Variants in KLF12 observed in about 807,000 individuals in gnomAD.
KLF12 encodes the protein Krueppel-like factor 12.
KLF12 carries 9 observed loss-of-function variants against 37.8 expected under a neutral mutation model. The observed-to-expected ratio is 0.24, with a 90% CI of 0.14 to 0.42. The LOEUF (loss-of-function observed/expected upper bound fraction) is 0.42, where lower values mean the gene tolerates loss of function less well. Ranked by LOEUF, KLF12 falls within the 10% of genes least tolerant of loss-of-function variation. The pLI is 1.00. For synonymous variants in KLF12, 208 were observed against 202.1 expected, an observed-to-expected ratio of 1.03 and a Z score of -0.25; for missense variants, 411 against 516.0, an observed-to-expected ratio of 0.80 and a Z score of 1.97.
At chr13:74,117,671 G>A (rs1012626662) in intron 1 of KLF12, among the ~76,000 whole-genome samples, 1 of 152,114 alleles carries the variant, frequency 6.6e-6, no homozygotes, top group Non-Finnish European at 1.5e-5. Flanking sequence ...GGTATCTTGT[G>A]GATATCATGA....
At chr13:73,703,367 C>T (rs975903911) in intron 7 of KLF12, among the ~76,000 whole-genome samples, 3 of 151,938 alleles carry the variant, frequency 2.0e-5, no homozygotes, top group Admixed American at 6.6e-5. Flanking sequence ...AATCCTGATG[C>T]GATTTTCTTA....
intron 1 of KLF12, among the ~76,000 whole-genome samples, chr13:74,053,755 C>T (rs1873069608): frequency 1.3e-5 from 2 of 152,072 alleles, no homozygotes; most frequent in African/African-American, 4.8e-5. Context: ...TATTCTTGGA[C>T]TAGAAATGTT....
At chr13:73,855,750 AAT>A (rs1885576656) in intron 3 of KLF12, among the ~76,000 whole-genome samples, 1 of 152,134 alleles carries the variant, frequency 6.6e-6, no homozygotes, top group Admixed American at 6.5e-5. Flanking sequence ...GTCCCTCCAA[AAT>A]ATGTTACTTT....
chr13:74,160,795 A>G, the KLF12 span, among the ~76,000 whole-genome samples: 1 of 152,234 alleles, frequency 6.6e-6, no homozygotes, highest in Non-Finnish European at 1.5e-5. Context: ...GAGTACTTCA[A>G]TTTGAGCCGG....
chr13:73,995,119 G>A, intron 1 of KLF12, 66 bp from the exon 2 acceptor site: 2 of 1,058,640 alleles, frequency 1.9e-6, no homozygotes. Context: ...TTGCTCCTTT[G>A]GGGAAAAAAA....
At chr13:73,950,253 T>A (rs1448225599) in intron 2 of KLF12, among the ~76,000 whole-genome samples, 6 of 152,210 alleles carry the variant, frequency 3.9e-5, no homozygotes, top group African/African-American at 1.2e-4. Flanking sequence ...GATGTTCTTA[T>A]TCAAGTTGCA....
intron 1 of KLF12, among the ~76,000 whole-genome samples, chr13:73,998,109 C>T (rs1225404469): frequency 6.6e-6 from 1 of 152,020 alleles, no homozygotes; most frequent in Admixed American, 6.5e-5. Context: ...GACAGTACAC[C>T]CTGGACAACA....
intron 3 of KLF12, among the ~76,000 whole-genome samples, chr13:73,926,768 T>A (rs1013450482): frequency 2.0e-5 from 3 of 152,278 alleles, no homozygotes; most frequent in South Asian, 4.1e-4. Context: ...GTAGTTTCTC[T>A]GCGTGAATTA....
At chr13:73,817,358 AAAAG>A (rs1267678952) in intron 4 of KLF12, among the ~76,000 whole-genome samples, 1 of 151,816 alleles carries the variant, frequency 6.6e-6, no homozygotes, top group Non-Finnish European at 1.5e-5. Flanking sequence ...ACAAAAAAAA[AAAAG>A]AAAGAAAAAG....
chr13:74,195,195 T>G, the KLF12 span, among the ~76,000 whole-genome samples: 1 of 152,176 alleles, frequency 6.6e-6, no homozygotes, highest in African/African-American at 2.4e-5. Context: ...TGTATCACCA[T>G]TCACTAAAAG....
chr13:73,927,874 T>G (rs1449260624), intron 3 of KLF12, among the ~76,000 whole-genome samples: 1 of 149,936 alleles, frequency 6.7e-6, no homozygotes, highest in Admixed American at 6.6e-5. Context: ...TTTTTTTTTT[T>G]TTCAGACAGA....
intron 3 of KLF12, among the ~76,000 whole-genome samples, chr13:73,920,922 C>A (rs1263930370): frequency 3.3e-5 from 5 of 152,106 alleles, no homozygotes; most frequent in Admixed American, 2.6e-4. Flanking sequence ...GAGGGGCTTT[C>A]TTTGAGGTTC....
At chr13:74,019,278 T>G (rs1483892196) in intron 1 of KLF12, among the ~76,000 whole-genome samples, 2 of 152,218 alleles carry the variant, frequency 1.3e-5, no homozygotes, top group Non-Finnish European at 2.9e-5. Flanking sequence ...CAAAGAGGAT[T>G]AACACTCAAA....
the KLF12 span, among the ~76,000 whole-genome samples, chr13:74,165,509 G>A: frequency 3.3e-5 from 5 of 151,332 alleles, no homozygotes; most frequent in African/African-American, 1.2e-4. Context: ...GTGTTGGCCA[G>A]GCTGGTCTTA....
chr13:73,716,727 T>C (rs370284215), intron 6 of KLF12, among the ~76,000 whole-genome samples: 1 of 152,222 alleles, frequency 6.6e-6, no homozygotes, highest in Non-Finnish European at 1.5e-5. Flanking sequence ...GTTTATATCA[T>C]TCTGCAAATT....
intron 5 of KLF12, among the ~76,000 whole-genome samples, chr13:73,771,472 T>C (rs1034341558): frequency 1.1e-4 from 16 of 152,190 alleles, no homozygotes; most frequent in Non-Finnish European, 1.8e-4. Flanking sequence ...ACATGTAGCA[T>C]AGATGCATAA....
intron 4 of KLF12, among the ~76,000 whole-genome samples, chr13:73,822,173 C>T (rs1883565047): frequency 6.6e-6 from 1 of 152,212 alleles, no homozygotes; most frequent in South Asian, 2.1e-4. Flanking sequence ...TAAAAAATTA[C>T]ATTCTGACTT....
At chr13:74,217,453 G>T in the KLF12 span, among the ~76,000 whole-genome samples, 11 of 152,148 alleles carry the variant, frequency 7.2e-5, no homozygotes, top group African/African-American at 2.7e-4. Flanking sequence ...TACAGGCTGG[G>T]CGCGGTGGCT....
chr13:73,701,482 T>G (rs1178212436), intron 7 of KLF12, among the ~76,000 whole-genome samples: 1 of 152,224 alleles, frequency 6.6e-6, no homozygotes, highest in African/African-American at 2.4e-5. Context: ...GACAATAGTC[T>G]TTAAAAATGT....
Sources: allele counts gnomAD v4.1 joint callset (sites outside exome capture counted in the v4.1 genomes callset), GRCh38; gene constraint gnomAD v4.1.1; transcripts MANE v1.5; gene names NCBI Gene and HGNC (gene_info 2026-07-23, HGNC 2026-07-21).